The following CCDC91 variants were observed in gnomAD, a reference collection of about 807,000 sequenced individuals.
The protein encoded by CCDC91 is coiled-coil domain-containing protein 91.
Under a neutral mutation model 63.2 loss-of-function variants are expected in CCDC91, and 48 were observed. The ratio of observed to expected loss-of-function variants is 0.76; its 90% CI spans 0.60 to 0.97. CCDC91 has a LOEUF of 0.97. Among genes scored for constraint, CCDC91 ranks in the 50% least tolerant of loss-of-function variants. CCDC91 has a pLI of 0.00. For missense variants in CCDC91, 500 were observed against 494.6 expected, an observed-to-expected ratio of 1.01 and a Z score of -0.10; for synonymous variants, 167 against 165.8, an observed-to-expected ratio of 1.01 and a Z score of -0.06.
chr12:28,382,996 A>G, intron 7 of CCDC91, among the ~76,000 whole-genome samples: 1 of 152,152 alleles, frequency 6.6e-6, no homozygotes, highest in East Asian at 1.9e-4. Flanking sequence ...GAAGGCAGAC[A>G]TGCAGAGTCT....
intron 3 of CCDC91, among the ~76,000 whole-genome samples, chr12:28,266,323 A>C (rs1947183643): frequency 6.6e-6 from 1 of 152,034 alleles, no homozygotes; most frequent in Non-Finnish European, 1.5e-5. Flanking sequence ...TAACTATGTA[A>C]CTTCTGTGAA....
chr12:28,544,436 C>CT (rs757287399), intron 12 of CCDC91, among the ~76,000 whole-genome samples: 64 of 151,978 alleles, frequency 4.2e-4, no homozygotes, highest in Admixed American at 3.0e-3. Flanking sequence ...GATAGCCATC[C>CT]TAGCTCTTTG....
Position 28,259,490 on chromosome 12 carries a change from A to G in CCDC91, c.109+48A>G, listed in dbSNP as rs534275569. 18 of 1,242,056 alleles carry G rather than the reference A, an allele frequency of 1.4e-5. No individual in the cohort carries two copies. The African/African-American group carries it at 2.6e-4, about 18-fold the overall frequency. The allele number at this position is 1,242,056 out of a possible 1,614,324, so 76.9% of individuals were successfully genotyped here. ...GTTTTTTTTTTTTTTTTTCCCATGT[A>G]ACATTTTTGGCAACTCTTTGAAACC... On this transcript the variant is annotated intron_variant, in intron 3 of 12. Coordinates refer to ENST00000536442, the MANE Select transcript of CCDC91 (RefSeq NM_018318.5).
At chr12:28,294,010 G>A (rs754286173) in intron 3 of CCDC91, among the ~76,000 whole-genome samples, 29 of 152,082 alleles carry the variant, frequency 1.9e-4, no homozygotes, top group Non-Finnish European at 3.7e-4. Flanking sequence ...GTGGAGTGGA[G>A]AATATGAGCT....
chr12:28,536,322 A>G (rs542617396), intron 12 of CCDC91, among the ~76,000 whole-genome samples: 3 of 152,334 alleles, frequency 2.0e-5, no homozygotes, highest in African/African-American at 7.2e-5. Flanking sequence ...GTGGTTTGTA[A>G]ATGCCCCTGC....
At chr12:28,234,832 G>A (rs1046225165) in intron 1 of CCDC91, among the ~76,000 whole-genome samples, 1 of 151,886 alleles carries the variant, frequency 6.6e-6, no homozygotes, top group African/African-American at 2.4e-5. Flanking sequence ...TTATAAATAG[G>A]GAGTTTGTTC....
chr12:28,255,263 T>C, intron 1 of CCDC91, among the ~76,000 whole-genome samples: 1 of 152,198 alleles, frequency 6.6e-6, no homozygotes, highest in East Asian at 1.9e-4. Flanking sequence ...TATTGGGAAG[T>C]GACTTAAGAA....
chr12:28,305,808 T>TAA lies in CCDC91; in HGVS notation c.267+4_267+5dup. 6.2e-7 allele frequency: 1 copy of TAA among 1,606,282 alleles called. No individual in the cohort carries two copies. Among genetic ancestry groups the TAA allele is most frequent in the Non-Finnish European group, 8.5e-7 (1 of 1,176,620 alleles). On this transcript the variant is annotated splice_region_variant and intron_variant, in intron 4 of 12. Coordinates refer to ENST00000536442, the MANE Select transcript of CCDC91 (RefSeq NM_018318.5). The stretch of plus-strand genomic sequence containing the variant: ...AGTCAAACTATTCCAAAAGCACAGG[T>TAA]AAAGACAAACATATTTTTAAAGGAG...
chr12:28,498,656 C>T (rs1174525885), intron 12 of CCDC91, among the ~76,000 whole-genome samples: 1 of 151,688 alleles, frequency 6.6e-6, no homozygotes, highest in Non-Finnish European at 1.5e-5. Context: ...AATTAGCTAT[C>T]TTCTCTCCTA....
At chr12:28,242,105 A>G (rs1945384392) in intron 1 of CCDC91, among the ~76,000 whole-genome samples, 1 of 151,250 alleles carries the variant, frequency 6.6e-6, no homozygotes, top group African/African-American at 2.4e-5. Context: ...ATACTGTCAT[A>G]TTTTTCTTCT....
chr12:28,237,451 T>G (rs1945038452), intron 1 of CCDC91, among the ~76,000 whole-genome samples: 1 of 152,102 alleles, frequency 6.6e-6, no homozygotes, highest in Admixed American at 6.6e-5. Flanking sequence ...AGTGTCCTCA[T>G]AAGAGATAAA....
At chr12:28,505,114 C>T (rs376311765) in intron 12 of CCDC91, among the ~76,000 whole-genome samples, 30 of 152,016 alleles carry the variant, frequency 2.0e-4, no homozygotes, top group African/African-American at 6.0e-4. Context: ...CAGCAAGGAC[C>T]AGAAAATCTT....
chr12:28,317,082 T>C (rs905178943), intron 6 of CCDC91, among the ~76,000 whole-genome samples: 3 of 152,030 alleles, frequency 2.0e-5, no homozygotes, highest in Non-Finnish European at 4.4e-5. Context: ...TTGCCATGTC[T>C]GTCTGATGTC....
At chr12:28,291,557 C>T (rs1949250574) in intron 3 of CCDC91, among the ~76,000 whole-genome samples, 1 of 152,150 alleles carries the variant, frequency 6.6e-6, no homozygotes, top group African/African-American at 2.4e-5. Flanking sequence ...TGACCATGAA[C>T]TTTTTGTGGT....
chr12:28,532,068 A>G (rs1209558342), intron 12 of CCDC91, among the ~76,000 whole-genome samples: 1 of 152,126 alleles, frequency 6.6e-6, no homozygotes, highest in East Asian at 1.9e-4. Flanking sequence ...CAAGTCATGC[A>G]GCTATTTTGA....
intron 1 of CCDC91, among the ~76,000 whole-genome samples, chr12:28,213,966 T>C (rs1943402625): frequency 1.3e-5 from 2 of 152,180 alleles, no homozygotes; most frequent in Admixed American, 1.3e-4. Flanking sequence ...TATGGTGCTC[T>C]TTCTTCCATT....
intron 1 of CCDC91, among the ~76,000 whole-genome samples, chr12:28,215,079 A>G (rs1335048658): frequency 6.6e-6 from 1 of 152,214 alleles, no homozygotes; most frequent in East Asian, 1.9e-4. Context: ...TGTGAGTAGA[A>G]TGAAACAGTT....
rs142520189 is a variant in CCDC91, at chr12:28,438,954, A to G, written c.763-11207A>G. On this transcript the variant is annotated intron_variant, in intron 8 of 12. Transcript: ENST00000536442. ...TCCTCTGCTTAAATTGAGGATTGTC[A>G]CAATCTTTGGCATTTAATAAAACAT... Among the ~76,000 whole-genome samples the G allele has an allele frequency of 3.3e-5, 5 of 152,308 alleles. No homozygotes were observed. In the East Asian group the frequency reaches 7.7e-4, roughly 23 times the overall value.
intron 8 of CCDC91, among the ~76,000 whole-genome samples, chr12:28,400,118 C>T (rs1402452778): frequency 1.3e-5 from 2 of 152,228 alleles, no homozygotes; most frequent in Non-Finnish European, 2.9e-5. Flanking sequence ...GCAAACTTCT[C>T]TGCCTGGACA....
Sources: allele counts gnomAD v4.1 joint callset (sites outside exome capture counted in the v4.1 genomes callset), GRCh38; gene constraint gnomAD v4.1.1; transcripts MANE v1.5; gene names NCBI Gene and HGNC (gene_info 2026-07-23, HGNC 2026-07-21).